PAX7: variants seen among roughly 807,000 people sequenced by gnomAD.
PAX7 encodes the protein paired box 7, also known as paired box protein Pax-7.
A neutral mutation model predicts 50.7 loss-of-function variants in PAX7; 18 were observed. The observed-to-expected ratio is 0.36, with a 90% CI of 0.25 to 0.53. PAX7 has a LOEUF of 0.53. Ranked by LOEUF, PAX7 falls within the 20% of genes least tolerant of loss-of-function variation. The pLI, the probability that PAX7 is intolerant of heterozygous loss-of-function variation, is 0.93. For synonymous variants in PAX7, 310 were observed against 290.4 expected (o/e 1.07, Z -0.69); for missense variants, 644 against 702.9 (o/e 0.92, Z 0.95).
At position 18,636,589 on chromosome 1, in the gene PAX7, T is replaced by A. The variant is rs994821442; in HGVS notation, c.586+218T>A. On this transcript the variant is annotated intron_variant, in intron 4 of 8. Coordinates refer to ENST00000420770, the MANE Select transcript of PAX7 (RefSeq NM_001135254.2). The surrounding 1 kb of genome is among the most constrained non-coding windows in gnomAD (Gnocchi z 5.1). ...CTAGATGCGAAGCCCGCGCCTTCTT[T>A]GCGCTATGGAGGCCGGGCACGGACG... 1.6e-4 allele frequency among the ~76,000 whole-genome samples: 24 copies of A among 152,312 alleles called. No individual in the cohort carries two copies. The highest frequency in any genetic ancestry group is 5.1e-4 in the African/African-American group (21 of 41,572).
intron 4 of PAX7, among the ~76,000 whole-genome samples, chr1:18,649,723 T>A (rs7538945): frequency 0.52 from 78,561 of 152,062 alleles, 20,846 homozygotes; most frequent in Middle Eastern, 0.6. Context: ...TCCGGGGAAC[T>A]GTCCTTTCAA....
chr1:18,731,933 C>T (rs1193984079), intron 7 of PAX7, among the ~76,000 whole-genome samples: 1 of 152,184 alleles, frequency 6.6e-6, no homozygotes, highest in South Asian at 2.1e-4. Flanking sequence ...ACTGCACAAG[C>T]CCTCGCAGCT....
intron 4 of PAX7, among the ~76,000 whole-genome samples, chr1:18,642,692 C>T (rs1296493020): frequency 3.5e-5 from 5 of 144,720 alleles, no homozygotes; most frequent in Admixed American, 2.7e-4. Context: ...GGGGTCAGCG[C>T]TTTCTGACCT....
intron 7 of PAX7, among the ~76,000 whole-genome samples, chr1:18,720,518 G>A (rs1446736915): frequency 6.6e-6 from 1 of 152,136 alleles, no homozygotes; most frequent in East Asian, 1.9e-4. Flanking sequence ...CAAGGAAGTG[G>A]TCAGAGAGAC....
chr1:18,664,701 C>T (rs2088643772), intron 4 of PAX7, among the ~76,000 whole-genome samples: 1 of 152,114 alleles, frequency 6.6e-6, no homozygotes, highest in Non-Finnish European at 1.5e-5. Flanking sequence ...GCAGGGGCAG[C>T]TTGGGACCAT....
At position 18,720,716 on chromosome 1, in the gene PAX7, GGAGAGAGA is replaced by G. The variant is rs372059026; in HGVS notation, c.1156-14904_1156-14897del. Among the ~76,000 whole-genome samples, 5 of 149,644 alleles carry G rather than the reference GGAGAGAGA, an allele frequency of 3.3e-5. No homozygotes were observed. The East Asian group carries it at 7.8e-4, about 23-fold the overall frequency. On this transcript the variant is annotated intron_variant, in intron 7 of 8. Coordinates refer to ENST00000420770, the MANE Select transcript of PAX7 (RefSeq NM_001135254.2). Reference sequence around the variant, plus strand: ...GGATGGAGAGTGGTGGAGACTGGGGGGAGAGAGAGAGAGAGAGAGGTAGAGAGACACCC... The same window carrying G: ...GGATGGAGAGTGGTGGAGACTGGGGGGAGAGAGAGAGGTAGAGAGACACCC...
chr1:18,717,178 G>A (rs1417031262), intron 7 of PAX7, among the ~76,000 whole-genome samples: 1 of 152,154 alleles, frequency 6.6e-6, no homozygotes, highest in Non-Finnish European at 1.5e-5. Context: ...CTCGGGCTCG[G>A]CGGCCTGCTT....
intron 4 of PAX7, among the ~76,000 whole-genome samples, chr1:18,672,687 C>A (rs1351608750): frequency 6.6e-6 from 1 of 150,396 alleles, no homozygotes; most frequent in Non-Finnish European, 1.5e-5. Context: ...CTCACTGCAA[C>A]CTCCGCCTCC....
At chr1:18,701,156 G>A (rs1177054185) in intron 6 of PAX7, among the ~76,000 whole-genome samples, 1 of 152,222 alleles carries the variant, frequency 6.6e-6, no homozygotes, top group Non-Finnish European at 1.5e-5. Flanking sequence ...AGCTGGTGGA[G>A]CATGGACCAG....
intron 4 of PAX7, among the ~76,000 whole-genome samples, chr1:18,638,878 G>A (rs1282669637): frequency 6.6e-6 from 1 of 152,142 alleles, no homozygotes; most frequent in Non-Finnish European, 1.5e-5. Context: ...CAAGTTAAAG[G>A]TGAAAAGACC....
chr1:18,692,011 G>A, intron 5 of PAX7, 58 bp downstream of exon 5: 2 of 1,537,250 alleles, frequency 1.3e-6, no homozygotes, highest in South Asian at 2.4e-5. Context: ...TCAGAAGTTT[G>A]GGATGGCCAA....
At chr1:18,716,516 T>TA in intron 7 of PAX7, among the ~76,000 whole-genome samples, 1 of 149,494 alleles carries the variant, frequency 6.7e-6, no homozygotes, top group South Asian at 2.1e-4. Context: ...TTTTTGTTTT[T>TA]TTCACACACT....
intron 4 of PAX7, among the ~76,000 whole-genome samples, chr1:18,641,668 TAAG>T (rs1171587103): frequency 1.3e-5 from 2 of 152,092 alleles, no homozygotes; most frequent in African/African-American, 2.4e-5. Context: ...TAAGCCTGGC[TAAG>T]AAGAAGAGAG....
chr1:18,738,743 G>A (rs1031577716), intron 8 of PAX7, among the ~76,000 whole-genome samples: 76 of 152,226 alleles, frequency 5.0e-4, no homozygotes, highest in African/African-American at 1.8e-3. Flanking sequence ...CTGGGCCCAA[G>A]CTGGGAGGGA....
At chr1:18,721,939 A>G (rs2089500365) in intron 7 of PAX7, among the ~76,000 whole-genome samples, 1 of 152,102 alleles carries the variant, frequency 6.6e-6, no homozygotes, top group South Asian at 2.1e-4. Flanking sequence ...TAAATTGGAG[A>G]GTATTATCTA....
intron 4 of PAX7, among the ~76,000 whole-genome samples, chr1:18,683,575 C>T (rs557217595): frequency 6.6e-6 from 1 of 152,328 alleles, no homozygotes; most frequent in Non-Finnish European, 1.5e-5. Context: ...TGCGGTGGCT[C>T]ATGCCTGTAA....
At chr1:18,665,653 G>A (rs147929933) in intron 4 of PAX7, among the ~76,000 whole-genome samples, 1,629 of 147,380 alleles carry the variant, frequency 0.011, 30 homozygotes, top group African/African-American at 0.037. Flanking sequence ...GATTACAGGC[G>A]TGAGCCACTG....
At chr1:18,714,378 C>T (rs950364953) in intron 7 of PAX7, among the ~76,000 whole-genome samples, 5 of 152,084 alleles carry the variant, frequency 3.3e-5, no homozygotes, top group East Asian at 1.9e-4. Flanking sequence ...GAATTAAATG[C>T]GATTGTTCAT....
At chr1:18,699,536 G>A (rs2089189261) in intron 5 of PAX7, among the ~76,000 whole-genome samples, 1 of 151,580 alleles carries the variant, frequency 6.6e-6, no homozygotes, top group African/African-American at 2.4e-5. Context: ...TGCAAATCCA[G>A]ATAAGTGGGC....
Sources: allele counts gnomAD v4.1 joint callset (sites outside exome capture counted in the v4.1 genomes callset), GRCh38; gene constraint gnomAD v4.1.1; non-coding constraint Gnocchi (gnomAD v3.1); transcripts MANE v1.5; gene names NCBI Gene and HGNC (gene_info 2026-07-23, HGNC 2026-07-21).